The following PIP4K2A variants were observed in gnomAD, a reference collection of about 807,000 sequenced individuals.
The protein encoded by PIP4K2A is phosphatidylinositol-5-phosphate 4-kinase type 2 alpha.
PIP4K2A carries 14 observed loss-of-function variants against 42.9 expected under a neutral mutation model. The observed-to-expected ratio is 0.33, with a 90% CI of 0.22 to 0.51. The LOEUF (loss-of-function observed/expected upper bound fraction) is 0.51. Among genes scored for constraint, PIP4K2A ranks in the 20% least tolerant of loss-of-function variants. PIP4K2A has a pLI of 0.97. For synonymous variants in PIP4K2A, 192 were observed against 192.2 expected (o/e 1.00, Z 0.01); for missense variants, 434 against 519.8 (o/e 0.83, Z 1.61).
intron 6 of PIP4K2A, among the ~76,000 whole-genome samples, chr10:22,556,253 C>T (rs1836544284): frequency 2.6e-5 from 4 of 151,938 alleles, no homozygotes; most frequent in South Asian, 4.2e-4. Context: ...TGGCCCGAGG[C>T]GCCAACCTCC....
chr10:22,547,967 G>C (rs754540882), intron 7 of PIP4K2A, among the ~76,000 whole-genome samples: 1 of 152,202 alleles, frequency 6.6e-6, no homozygotes, highest in Non-Finnish European at 1.5e-5. Context: ...GATTTCTTGA[G>C]CTGTAATACA....
chr10:22,573,006 A>ACCAGAATGTCAGCTC (rs1198840720), intron 5 of PIP4K2A, among the ~76,000 whole-genome samples: 3 of 152,112 alleles, frequency 2.0e-5, no homozygotes, highest in Non-Finnish European at 2.9e-5. Context: ...GTCTTTACCC[A>ACCAGAATGTCAGCTC]CCAGAATGTC....
intron 1 of PIP4K2A, among the ~76,000 whole-genome samples, chr10:22,713,019 T>A (rs1397441771): frequency 6.6e-6 from 1 of 151,960 alleles, no homozygotes; most frequent in Admixed American, 6.6e-5. Flanking sequence ...CAGACATCCA[T>A]CGAAATCAAA....
chr10:22,552,739 CG>C (rs1564417455), intron 6 of PIP4K2A, among the ~76,000 whole-genome samples: 2 of 152,102 alleles, frequency 1.3e-5, no homozygotes, highest in Admixed American at 6.5e-5. Context: ...GGAGAAGGAT[CG>C]TAATTTTCCC....
intron 4 of PIP4K2A, among the ~76,000 whole-genome samples, chr10:22,576,641 G>A (rs1256237882): frequency 6.6e-6 from 1 of 152,162 alleles, no homozygotes; most frequent in Non-Finnish European, 1.5e-5. Flanking sequence ...GGTAATAATA[G>A]TACTTAACGA....
chr10:22,581,709 G>A (rs1440827599), intron 4 of PIP4K2A, among the ~76,000 whole-genome samples: 2 of 151,910 alleles, frequency 1.3e-5, no homozygotes, highest in African/African-American at 4.8e-5. Flanking sequence ...TTAATTCTAA[G>A]AGTGCTGTCA....
intron 4 of PIP4K2A, among the ~76,000 whole-genome samples, chr10:22,574,766 G>C (rs1837072259): frequency 6.6e-6 from 1 of 152,118 alleles, no homozygotes; most frequent in Admixed American, 6.5e-5. Flanking sequence ...AATTAGATGA[G>C]TGAAACATTT....
intron 1 of PIP4K2A, among the ~76,000 whole-genome samples, chr10:22,665,438 C>G (rs558310839): frequency 4.7e-4 from 71 of 152,068 alleles, no homozygotes; most frequent in Non-Finnish European, 7.1e-4. Flanking sequence ...AGGTCATTCA[C>G]TTTGTTTCCA....
intron 1 of PIP4K2A, among the ~76,000 whole-genome samples, chr10:22,622,969 C>T (rs117610686): frequency 3.9e-5 from 6 of 152,284 alleles, no homozygotes; most frequent in Non-Finnish European, 8.8e-5. Flanking sequence ...GAGCCAGCAT[C>T]ATCTGCCTTG....
At chr10:22,547,344 G>A (rs1046005749) in intron 7 of PIP4K2A, among the ~76,000 whole-genome samples, 7 of 152,228 alleles carry the variant, frequency 4.6e-5, no homozygotes, top group African/African-American at 7.2e-5. Flanking sequence ...TTATGTCAGA[G>A]TAGTTAAGGA....
intron 1 of PIP4K2A, among the ~76,000 whole-genome samples, chr10:22,708,424 G>A (rs1239084376): frequency 1.3e-5 from 2 of 152,114 alleles, no homozygotes; most frequent in Admixed American, 1.3e-4. Flanking sequence ...GTCTATCCCA[G>A]CCCTAGTGGC....
intron 9 of PIP4K2A, 57 bp downstream of exon 9, chr10:22,539,899 GAGAGAGAGAGAGGGA>G (rs1836051810): frequency 2.9e-6 from 2 of 686,308 alleles, no homozygotes; most frequent in East Asian, 2.8e-5. Flanking sequence ...GAGAGAGAGA[GAGAGAGAGAGAGGGA>G]GAGAGAGAGA....
chr10:22,571,535 C>A (rs978429248), intron 5 of PIP4K2A, among the ~76,000 whole-genome samples: 6 of 152,138 alleles, frequency 3.9e-5, no homozygotes, highest in African/African-American at 1.4e-4. Flanking sequence ...CTCAGTGAAC[C>A]AATGTGTTCC....
At position 22,664,037 on chromosome 10, in the gene PIP4K2A, ATATATATATACATATG is replaced by A. The variant is rs1310694553; in HGVS notation, c.144+50130_144+50145del. On this transcript the variant is annotated intron_variant, in intron 1 of 9. Coordinates refer to ENST00000376573, the MANE Select transcript of PIP4K2A (RefSeq NM_005028.5). The stretch of plus-strand genomic sequence containing the variant: ...TCTCTCTCTCCATATATATACATAT[ATATATATATACATATG>A]TATATATACATATATATATATACGT... Among the ~76,000 whole-genome samples the A allele has an allele frequency of 2.6e-3, 282 of 109,388 alleles. 31 individuals carry two copies. The highest frequency in any genetic ancestry group is 0.015 in the African/African-American group (274 of 18,510). 71.8% of individuals were successfully genotyped at this position (109,388 alleles called of 152,430 possible). A position where few individuals can be genotyped will look rare whatever the true frequency, so the allele number is the denominator to read the frequency against.
chr10:22,594,010 G>A (rs1280673847), intron 3 of PIP4K2A, among the ~76,000 whole-genome samples: 1 of 152,180 alleles, frequency 6.6e-6, no homozygotes, highest in Non-Finnish European at 1.5e-5. Flanking sequence ...TGCATAGTCA[G>A]TGCATCTCAA....
chr10:22,697,032 T>C (rs1173227484), intron 1 of PIP4K2A, among the ~76,000 whole-genome samples: 2 of 152,146 alleles, frequency 1.3e-5, no homozygotes, highest in Admixed American at 6.5e-5. Flanking sequence ...TAACAGTTTA[T>C]CTAGATGGCT....
intron 6 of PIP4K2A, among the ~76,000 whole-genome samples, chr10:22,560,636 C>T (rs11013048): frequency 0.65 from 98,741 of 152,076 alleles, 32,334 homozygotes; most frequent in South Asian, 0.77. Flanking sequence ...ATTGCCAATA[C>T]AGTTACACAA....
chr10:22,713,713 C>A (rs1173880018), intron 1 of PIP4K2A, among the ~76,000 whole-genome samples: 1 of 152,088 alleles, frequency 6.6e-6, no homozygotes, highest in Admixed American at 6.5e-5. Flanking sequence ...CGCACGCGCC[C>A]AGCCCGGGAC....
At chr10:22,617,560 A>C (rs1312222393) in intron 1 of PIP4K2A, among the ~76,000 whole-genome samples, 1 of 152,256 alleles carries the variant, frequency 6.6e-6, no homozygotes, top group Admixed American at 6.5e-5. Flanking sequence ...AGAATATGCA[A>C]AAAGTACCAA....
Sources: allele counts gnomAD v4.1 joint callset (sites outside exome capture counted in the v4.1 genomes callset), GRCh38; gene constraint gnomAD v4.1.1; transcripts MANE v1.5; gene names NCBI Gene and HGNC (gene_info 2026-07-23, HGNC 2026-07-21).